Variants in CRPPA observed in about 807,000 individuals in gnomAD.
The protein encoded by CRPPA is CDP-L-ribitol pyrophosphorylase A, also known as D-ribitol-5-phosphate cytidylyltransferase.
In CRPPA, 43 loss-of-function variants were observed where a neutral mutation model predicts 52.0. The ratio of observed to expected loss-of-function variants is 0.83; its 90% confidence interval spans 0.65 to 1.07. The LOEUF (loss-of-function observed/expected upper bound fraction) is 1.07, where lower values mean the gene tolerates loss of function less well. CRPPA is among the 50% of genes least tolerant of loss of function. The pLI is 0.00. For missense variants in CRPPA, 629 were observed against 551.7 expected, an observed-to-expected ratio of 1.14 and a Z score of -1.40; for synonymous variants, 250 against 203.5, an observed-to-expected ratio of 1.23 and a Z score of -1.94.
intron 9 of CRPPA, among the ~76,000 whole-genome samples, chr7:16,133,875 T>A (rs1385946284): frequency 8.0e-6 from 1 of 125,154 alleles, no homozygotes; most frequent in Non-Finnish European, 1.8e-5. Context: ...TATCAACAAA[T>A]ACAGTATTGT....
intron 9 of CRPPA, among the ~76,000 whole-genome samples, chr7:16,134,719 G>T (rs953845840): frequency 6.6e-6 from 1 of 152,108 alleles, no homozygotes; most frequent in Non-Finnish European, 1.5e-5. Context: ...TGACAGAAAT[G>T]ACCTAAAAAT....
chr7:16,222,636 T>C (rs930619099), intron 8 of CRPPA, among the ~76,000 whole-genome samples: 1 of 152,082 alleles, frequency 6.6e-6, no homozygotes, highest in African/African-American at 2.4e-5. Context: ...AGAGTGATTA[T>C]CCAGTTAAGT....
chr7:16,266,360 A>G (rs1783952528), intron 6 of CRPPA: 1 of 152,214 alleles, frequency 6.6e-6, no homozygotes, highest in Non-Finnish European at 1.5e-5. Context: ...ACTCATGTTG[A>G]AAGCCAACTA....
intron 9 of CRPPA, among the ~76,000 whole-genome samples, chr7:16,186,127 G>A (rs1583415536): frequency 6.6e-6 from 1 of 152,302 alleles, no homozygotes; most frequent in East Asian, 1.9e-4. Flanking sequence ...TATCTAGGTA[G>A]ATATCTACTA....
At chr7:16,374,699 C>T (rs1276778426) in intron 3 of CRPPA, among the ~76,000 whole-genome samples, 1 of 152,104 alleles carries the variant, frequency 6.6e-6, no homozygotes, top group Non-Finnish European at 1.5e-5. Context: ...ATATTCCCAG[C>T]CAAGGTCAAC....
intron 8 of CRPPA, among the ~76,000 whole-genome samples, chr7:16,228,222 T>C (rs181592741): frequency 3.3e-5 from 5 of 151,978 alleles, no homozygotes; most frequent in Admixed American, 2.6e-4. Context: ...ATTCAGGGTC[T>C]AGCAAAAGAT....
intron 2 of CRPPA, among the ~76,000 whole-genome samples, chr7:16,384,744 G>T (rs931572732): frequency 1.3e-5 from 2 of 151,792 alleles, no homozygotes; most frequent in African/African-American, 4.8e-5. Flanking sequence ...GGCCAACCAA[G>T]TCATAAACAA....
chr7:16,299,378 C>A (rs990130275), intron 5 of CRPPA, among the ~76,000 whole-genome samples: 1 of 152,086 alleles, frequency 6.6e-6, no homozygotes, highest in Non-Finnish European at 1.5e-5. Flanking sequence ...TAGAAATAAA[C>A]CTATAAAAGA....
chr7:16,346,835 T>C (rs1371340857), intron 3 of CRPPA, among the ~76,000 whole-genome samples: 1 of 151,888 alleles, frequency 6.6e-6, no homozygotes, highest in Non-Finnish European at 1.5e-5. Context: ...TATAAAAACC[T>C]CACCAACGTA....
intron 9 of CRPPA, among the ~76,000 whole-genome samples, chr7:16,145,021 G>A (rs1782947748): frequency 6.6e-6 from 1 of 152,140 alleles, no homozygotes; most frequent in Non-Finnish European, 1.5e-5. Context: ...TCTTGGCCAG[G>A]AGGCTGTTCT....
intron 3 of CRPPA, among the ~76,000 whole-genome samples, chr7:16,322,742 A>T (rs1256975116): frequency 1.3e-5 from 2 of 152,152 alleles, no homozygotes; most frequent in African/African-American, 2.4e-5. Context: ...ATTCCATATA[A>T]GTTCCACAAC....
At chr7:16,263,786 A>C (rs1427025187) in intron 6 of CRPPA, among the ~76,000 whole-genome samples, 2 of 152,102 alleles carry the variant, frequency 1.3e-5, no homozygotes, top group African/African-American at 2.4e-5. Context: ...CAATATAGAT[A>C]TATGGAAAGC....
At chr7:16,101,610 G>T (rs1341400397) in intron 9 of CRPPA, among the ~76,000 whole-genome samples, 1 of 151,680 alleles carries the variant, frequency 6.6e-6, no homozygotes, top group East Asian at 1.9e-4. Context: ...ACAGCTCCTG[G>T]ATTGAGCAAA....
intron 8 of CRPPA, among the ~76,000 whole-genome samples, chr7:16,223,885 T>G (rs2128400968): frequency 6.6e-6 from 1 of 152,234 alleles, no homozygotes; most frequent in Non-Finnish European, 1.5e-5. Context: ...AGTAGATTTT[T>G]TTTTGTCTTT....
At chr7:16,214,807 A>C (rs897030669) in intron 9 of CRPPA, among the ~76,000 whole-genome samples, 1 of 152,142 alleles carries the variant, frequency 6.6e-6, no homozygotes, top group Admixed American at 6.5e-5. Context: ...CACCACAAAG[A>C]GAGAATATTA....
intron 9 of CRPPA, chr7:16,208,917 T>C: frequency 3.4e-6 from 1 of 298,282 alleles, no homozygotes. Context: ...GATTTGAGTC[T>C]TTCCATGCCA....
intron 1 of CRPPA, among the ~76,000 whole-genome samples, chr7:16,418,884 T>C (rs1298107245): frequency 6.6e-6 from 1 of 152,026 alleles, no homozygotes; most frequent in Non-Finnish European, 1.5e-5. Context: ...TGCAAAAAAT[T>C]AAAGTTAATG....
At chr7:16,358,286 C>T (rs1188139302) in intron 3 of CRPPA, among the ~76,000 whole-genome samples, 2 of 152,060 alleles carry the variant, frequency 1.3e-5, no homozygotes, top group Non-Finnish European at 1.5e-5. Context: ...CCCTTTGGCA[C>T]CCTCCAGTGA....
intron 9 of CRPPA, among the ~76,000 whole-genome samples, chr7:16,117,327 A>G (rs1297126543): frequency 6.6e-6 from 1 of 151,976 alleles, no homozygotes; most frequent in African/African-American, 2.4e-5. Flanking sequence ...TTTGGAAGCG[A>G]CTCTGAACTG....
Sources: gnomAD v4.1 joint callset for allele counts (sites outside exome capture counted in the v4.1 genomes callset) on GRCh38, gnomAD v4.1.1 for gene constraint, MANE v1.5 for transcripts, NCBI Gene and HGNC (gene_info 2026-07-23, HGNC 2026-07-21) for gene names.